CHSY3: variants seen among roughly 807,000 people sequenced by gnomAD.
CHSY3 encodes N-acetylgalactosaminyl-proteoglycan 3-beta-glucuronosyltransferase 3.
CHSY3 carries 35 observed loss-of-function variants against 67.2 expected under a neutral mutation model. That is an observed-to-expected ratio of 0.52 (90% CI 0.40 to 0.69). The LOEUF is 0.69. Ranked by LOEUF, CHSY3 falls within the 30% of genes least tolerant of loss-of-function variation. CHSY3 has a pLI of 0.00. For missense variants in CHSY3, 1,069 were observed against 1,138.5 expected, an observed-to-expected ratio of 0.94 and a Z score of 0.88; for synonymous variants, 474 against 434.7, an observed-to-expected ratio of 1.09 and a Z score of -1.12.
chr5:129,955,677 C>A (rs2149604014), intron 2 of CHSY3, among the ~76,000 whole-genome samples: 1 of 152,088 alleles, frequency 6.6e-6, no homozygotes, highest in South Asian at 2.1e-4. Context: ...TTTCCTGTTC[C>A]TCTCCCTCCT....
chr5:130,029,369 G>A (rs1290824651), intron 2 of CHSY3, among the ~76,000 whole-genome samples: 4 of 152,000 alleles, frequency 2.6e-5, no homozygotes, highest in East Asian at 1.9e-4. Context: ...AACAAATCAG[G>A]AAATTGAGGT....
In CHSY3 at chr5:130,096,102, A is replaced by G. The variant is rs555077422; in HGVS notation, c.1087-88127A>G. On this transcript the variant is annotated intron_variant, in intron 2 of 2. Transcript: ENST00000305031. ...GGGTGACTAAGGGCATAACAACTAAATGCAATATGGGATCTTGAATTGGAT... is the reference window on the plus strand; with the variant it reads ...GGGTGACTAAGGGCATAACAACTAAGTGCAATATGGGATCTTGAATTGGAT... Among the ~76,000 whole-genome samples, 5 of 152,340 alleles carry G rather than the reference A, an allele frequency of 3.3e-5. No homozygotes were observed. The East Asian group carries it at 9.6e-4, about 29-fold the overall frequency.
chr5:130,010,344 C>A (rs563190758), intron 2 of CHSY3, among the ~76,000 whole-genome samples: 9 of 152,250 alleles, frequency 5.9e-5, no homozygotes, highest in Admixed American at 5.2e-4. Context: ...AAAAAACTTA[C>A]AATTACATGG....
chr5:130,003,263 T>C (rs935644267), intron 2 of CHSY3, among the ~76,000 whole-genome samples: 2 of 152,224 alleles, frequency 1.3e-5, no homozygotes, highest in African/African-American at 2.4e-5. Context: ...TGCCATGTTG[T>C]AATGGAATTT....
intron 2 of CHSY3, among the ~76,000 whole-genome samples, chr5:130,045,917 G>A (rs1765133428): frequency 6.6e-6 from 1 of 152,012 alleles, no homozygotes; most frequent in South Asian, 2.1e-4. Flanking sequence ...AGGAGTAAAG[G>A]GAAGAAATTT....
intron 2 of CHSY3, among the ~76,000 whole-genome samples, chr5:130,045,307 A>G (rs1765114015): frequency 6.6e-6 from 1 of 152,166 alleles, no homozygotes; most frequent in Non-Finnish European, 1.5e-5. Context: ...TGATGTGCTC[A>G]GGGTACATTC....
At chr5:129,982,485 G>T (rs1763049482) in intron 2 of CHSY3, among the ~76,000 whole-genome samples, 2 of 151,850 alleles carry the variant, frequency 1.3e-5, no homozygotes, top group Admixed American at 6.6e-5. Flanking sequence ...ATATTGTAAG[G>T]GCAGTTACAT....
rs980147138 is a variant in CHSY3, at chr5:129,998,690, A to G, written c.1086+90330A>G. On this transcript the variant is annotated intron_variant, in intron 2 of 2. Transcript: ENST00000305031. ...CCAGTCCTTTTTAAATTGTTTTTGC[A>G]GGTTTTTTGACTAAGTAAAAGGCTT... Among the ~76,000 whole-genome samples, 3 of 152,148 alleles carry G rather than the reference A, an allele frequency of 2.0e-5. No individual in the cohort carries two copies. In the East Asian group the frequency reaches 5.8e-4, roughly 29 times the overall value.
intron 2 of CHSY3, among the ~76,000 whole-genome samples, chr5:129,995,676 A>G (rs1763517767): frequency 2.0e-5 from 3 of 151,680 alleles, no homozygotes; most frequent in Admixed American, 2.0e-4. Flanking sequence ...CCAACATTCT[A>G]ATTCTAGTCA....
chr5:130,178,200 T>TA (rs200261505), intron 2 of CHSY3, among the ~76,000 whole-genome samples: 3 of 110,810 alleles, frequency 2.7e-5, no homozygotes, highest in African/African-American at 6.6e-5. Context: ...TATATATATA[T>TA]TTATATATAT....
chr5:130,159,161 C>CTTTTTTTTTT (rs33919002), intron 2 of CHSY3, among the ~76,000 whole-genome samples: 4 of 98,704 alleles, frequency 4.1e-5, no homozygotes, highest in Non-Finnish European at 7.8e-5. Context: ...TAAGATTTGT[C>CTTTTTTTTTT]TTTTTTTTTT....
At chr5:129,967,521 G>A (rs549106129) in intron 2 of CHSY3, among the ~76,000 whole-genome samples, 1 of 151,910 alleles carries the variant, frequency 6.6e-6, no homozygotes, top group Admixed American at 6.6e-5. Flanking sequence ...ACCAGTCGCT[G>A]CTATTTGGTT....
chr5:130,069,416 T>A (rs888272309), intron 2 of CHSY3, among the ~76,000 whole-genome samples: 9 of 152,010 alleles, frequency 5.9e-5, no homozygotes, highest in African/African-American at 2.2e-4. Context: ...TTTGGGAGGA[T>A]GAGGTGGAGG....
At chr5:129,964,665 T>C (rs1762423807) in intron 2 of CHSY3, among the ~76,000 whole-genome samples, 1 of 151,870 alleles carries the variant, frequency 6.6e-6, no homozygotes, top group African/African-American at 2.4e-5. Context: ...TTTCCCCCTG[T>C]GTATATAGCA....
chr5:130,063,032 A>G (rs897051877), intron 2 of CHSY3, among the ~76,000 whole-genome samples: 1 of 152,064 alleles, frequency 6.6e-6, no homozygotes, highest in African/African-American at 2.4e-5. Flanking sequence ...CTTGCATTTT[A>G]ATATCTGTTA....
At chr5:130,158,222 A>G (rs1188058708) in intron 2 of CHSY3, among the ~76,000 whole-genome samples, 1 of 152,192 alleles carries the variant, frequency 6.6e-6, no homozygotes, top group Non-Finnish European at 1.5e-5. Flanking sequence ...GCCTTATTTT[A>G]TCCAGCCCCT....
At chr5:130,136,032 A>G (rs1337198319) in intron 2 of CHSY3, among the ~76,000 whole-genome samples, 1 of 152,228 alleles carries the variant, frequency 6.6e-6, no homozygotes, top group Non-Finnish European at 1.5e-5. Flanking sequence ...TGTGTTCGTT[A>G]AAGCTGTTAA....
intron 2 of CHSY3, among the ~76,000 whole-genome samples, chr5:129,936,425 A>G (rs1006956261): frequency 5.9e-5 from 9 of 151,982 alleles, no homozygotes; most frequent in East Asian, 1.9e-4. Flanking sequence ...GTCAGCCCCT[A>G]TCTAGTGTGA....
rs762028216 is a variant in CHSY3, at chr5:129,995,933, A to G, written c.1086+87573A>G. The stretch of plus-strand genomic sequence containing the variant: ...CTACCATTTCCATCTCCCATTTTCC[A>G]TCTCTCTCTTCCTCTCCCTCTCTCT... On this transcript the variant is annotated intron_variant, in intron 2 of 2. Transcript: ENST00000305031. 4.7e-5 allele frequency among the ~76,000 whole-genome samples: 7 copies of G among 150,284 alleles called. No homozygotes were observed. In the South Asian group the frequency reaches 8.4e-4, roughly 18 times the overall value.
Sources: gnomAD v4.1 joint callset for allele counts (sites outside exome capture counted in the v4.1 genomes callset) on GRCh38, gnomAD v4.1.1 for gene constraint, MANE v1.5 for transcripts, NCBI Gene and HGNC (gene_info 2026-07-23, HGNC 2026-07-21) for gene names.